The following SRP68 variants were observed in gnomAD, a reference collection of about 807,000 sequenced individuals.
SRP68 encodes signal recognition particle subunit SRP68.
In SRP68, 15 loss-of-function variants were observed where a neutral mutation model predicts 82.2. The observed-to-expected ratio is 0.18, with a 90% CI of 0.12 to 0.28. SRP68 has a LOEUF of 0.28. SRP68 is among the 10% of genes least tolerant of loss of function. SRP68 has a pLI of 1.00. For synonymous variants in SRP68, 261 were observed against 292.6 expected (o/e 0.89, Z 1.10); for missense variants, 595 against 780.5 (o/e 0.76, Z 2.83).
intron 2 of SRP68, among the ~76,000 whole-genome samples, chr17:76,067,979 G>A (rs192690283): frequency 3.1e-4 from 47 of 152,230 alleles, no homozygotes; most frequent in African/African-American, 1.1e-3. Context: ...CAGCTGCAGT[G>A]GACTGATGGC....
chr17:76,051,776 G>T (rs1018620199), intron 8 of SRP68, among the ~76,000 whole-genome samples: 1 of 152,008 alleles, frequency 6.6e-6, no homozygotes, highest in Non-Finnish European at 1.5e-5. Flanking sequence ...AAGCAAACAC[G>T]GCCACCATTC....
intron 2 of SRP68, among the ~76,000 whole-genome samples, chr17:76,067,772 A>G (rs957470496): frequency 6.6e-6 from 1 of 152,088 alleles, no homozygotes; most frequent in Non-Finnish European, 1.5e-5. Context: ...GGCCCTAAAC[A>G]TTTATTGAAC....
chr17:76,044,674 T>C (rs1386677854), intron 12 of SRP68: 1 of 152,362 alleles, frequency 6.6e-6, no homozygotes, highest in African/African-American at 2.4e-5. Flanking sequence ...TTCTGCTAAT[T>C]AACACCCTTT....
chr17:76,063,057 A>G (rs899283885), intron 4 of SRP68, among the ~76,000 whole-genome samples: 2 of 151,722 alleles, frequency 1.3e-5, no homozygotes, highest in Non-Finnish European at 2.9e-5. Context: ...GGCGTGAGCC[A>G]CCACGCCCGG....
chr17:76,057,587 G>A lies in SRP68; in HGVS notation c.838-44C>T, dbSNP rs184473387. 2.9e-5 allele frequency: 47 copies of A among 1,603,856 alleles called. No individual in the cohort carries two copies. In the Admixed American group the frequency reaches 6.5e-4, roughly 22 times the overall value. On this transcript the variant is annotated intron_variant, in intron 7 of 15. Coordinates refer to ENST00000307877, the MANE Select transcript of SRP68 (RefSeq NM_014230.4). ...AAGTTAAAGCTTTAACTGGGGATAT[G>A]AGTGATGGAGGTGAAAATAAGTGGA...
intron 8 of SRP68, among the ~76,000 whole-genome samples, chr17:76,053,265 C>CAAAAAA (rs34472995): frequency 1.2e-5 from 1 of 82,566 alleles, no homozygotes; most frequent in African/African-American, 5.0e-5. Flanking sequence ...GACCCTGTCT[C>CAAAAAA]AAAAAAAAAA....
chr17:76,044,212 G>A (rs2305345), intron 12 of SRP68, among the ~76,000 whole-genome samples: 3 of 152,044 alleles, frequency 2.0e-5, no homozygotes, highest in Admixed American at 2.0e-4. Context: ...ACTCTGCAGA[G>A]GAGGAACAGT....
Position 76,070,432 on chromosome 17 carries a change from A to T in SRP68, c.197T>A (p.Ile66Asn). 1.2e-6 allele frequency: 2 copies of T among 1,614,070 alleles called. No homozygotes were observed. Among genetic ancestry groups the T allele is most frequent in the Non-Finnish European group, 1.7e-6 (2 of 1,179,964 alleles). Residue 66 changes from isoleucine (I) to asparagine (N), a missense_variant, in exon 2 of 16, where the codon ATT becomes AAT. This residue lies in a region of SRP68 where 100 missense variants were observed against 91.9 expected (regional missense o/e 1.09). Coordinates refer to ENST00000307877, the MANE Select transcript of SRP68 (RefSeq NM_014230.4). ...DSLSLEILQI[I>N]KESQQQHGLR... ...ACCATGCTGCTGCTGGGATTCCTTA[A>T]TAATCTGAAGAACTAGAGTCGAGAT...
chr17:76,072,479 T>C lies in SRP68; in HGVS notation c.13A>G (p.Lys5Glu), dbSNP rs1424012847. The change falls in exon 1 of 16, where the codon AAG becomes GAG. Residue 5 changes from lysine to glutamate, a missense_variant. Physicochemically the swap from Lys to Glu is moderately conservative, Grantham distance 56. Transcript: ENST00000307877. This position sits in a 1 kb window ranked among gnomAD's most constrained non-coding sequence, Gnocchi z 4.5. ...CCGCCGCCGCCGCCTGGGACCTGCT[T>C]CTCAGCAGCCATCTTGCCCCTGCGC... MAAE[K>E]QVPGGGGGGG... The C allele has an allele frequency of 1.9e-6, 3 of 1,582,116 alleles. No homozygotes were observed. Among genetic ancestry groups the C allele is most frequent in the South Asian group, 2.2e-5 (2 of 89,204 alleles).
chr17:76,041,883 C>A (rs960468765), intron 13 of SRP68, among the ~76,000 whole-genome samples: 2 of 152,008 alleles, frequency 1.3e-5, no homozygotes, highest in Non-Finnish European at 2.9e-5. Context: ...CGACAGGAAC[C>A]TTTGCTTGCT....
intron 8 of SRP68, among the ~76,000 whole-genome samples, chr17:76,051,225 G>A (rs1478242374): frequency 6.6e-6 from 1 of 152,170 alleles, no homozygotes; most frequent in African/African-American, 2.4e-5. Flanking sequence ...CAAGTACTGG[G>A]TGTCACCTGT....
At chr17:76,062,726 ATTT>A (rs1266995454) in intron 4 of SRP68, among the ~76,000 whole-genome samples, 3 of 23,276 alleles carry the variant, frequency 1.3e-4, no homozygotes, top group South Asian at 1.3e-3. Context: ...TATTATATTT[ATTT>A]TATATATATA....
At position 76,061,515 on chromosome 17, in the gene SRP68, G is replaced by A. The variant is rs755889581; in HGVS notation, c.621C>T (p.Ala207=). The A allele has an allele frequency of 1.9e-6, 3 of 1,613,854 alleles. No individual in the cohort carries two copies. Among genetic ancestry groups the A allele is most frequent in the East Asian group, 2.2e-5 (1 of 44,884 alleles). The stretch of plus-strand genomic sequence containing the variant: ...ACTTGCATTTGTTAAAAGCCTCAAT[G>A]GCAGCTTTCCATTCTTGATGTTCAA... The part of the protein sequence containing the change: ...LRFEHQEWKA[A]IEAFNKCKTI... The change falls in exon 5 of 16, where the codon GCC becomes GCT. Residue 207 remains alanine, a synonymous_variant. Coordinates refer to ENST00000307877, the MANE Select transcript of SRP68 (RefSeq NM_014230.4).
At chr17:76,068,215 T>C (rs2144531129) in intron 2 of SRP68, among the ~76,000 whole-genome samples, 3 of 151,394 alleles carry the variant, frequency 2.0e-5, no homozygotes, top group Admixed American at 2.0e-4. Flanking sequence ...TCGCTTAAAC[T>C]CAGGAGGTGG....
chr17:76,072,132 A>T lies in SRP68; in HGVS notation c.184+176T>A. On this transcript the variant is annotated intron_variant, in intron 1 of 15. Coordinates refer to ENST00000307877, the MANE Select transcript of SRP68 (RefSeq NM_014230.4). This position sits in a 1 kb window ranked among gnomAD's most constrained non-coding sequence, Gnocchi z 4.5. ...GACGGCGAGGGGGACACGAGGAAAG[A>T]CTAGTCGAGAGACAGACCCCCCCCG... is the stretch of plus-strand genomic sequence containing the variant. 1 of 1,229,938 alleles carries T rather than the reference A, an allele frequency of 8.1e-7. No individual in the cohort carries two copies. 76.2% of individuals were successfully genotyped at this position (1,229,938 alleles called of 1,614,324 possible). A position where few individuals can be genotyped will look rare whatever the true frequency, so the allele number is the denominator to read the frequency against.
intron 9 of SRP68, chr17:76,048,248 A>G (rs527852545): frequency 5.8e-5 from 11 of 191,156 alleles, no homozygotes; most frequent in African/African-American, 2.3e-4. Context: ...CTAACCCCAA[A>G]GCATTAAAAT....
Position 76,072,109 on chromosome 17 carries a change from C to G in SRP68, c.184+199G>C, listed in dbSNP as rs1453915327. 6 of 1,051,078 alleles carry G rather than the reference C, an allele frequency of 5.7e-6. No individual in the cohort carries two copies. Among genetic ancestry groups the G allele is most frequent in the Non-Finnish European group, 8.1e-6 (6 of 738,240 alleles). The allele number at this position is 1,051,078 out of a possible 1,614,324, so 65.1% of individuals were successfully genotyped here. On this transcript the variant is annotated intron_variant, in intron 1 of 15. Transcript: ENST00000307877. This position sits in a 1 kb window ranked among gnomAD's most constrained non-coding sequence, Gnocchi z 4.5. ...CTGGAAGAAACGGACCTAGCCAGGA[C>G]GGCGAGGGGGACACGAGGAAAGACT...
intron 7 of SRP68, among the ~76,000 whole-genome samples, 183 bp downstream of exon 7, chr17:76,060,125 C>CAA (rs1168111688): frequency 0.28 from 8,068 of 28,560 alleles, 1,839 homozygotes; most frequent in East Asian, 0.44. Context: ...GACTCCATCT[C>CAA]AAAAAAAAAA....
chr17:76,071,844 G>A lies in SRP68; in HGVS notation c.184+464C>T, dbSNP rs1421066106. Reference sequence around the variant, plus strand: ...AACTTACAATCAAAATGGGCAACAAGCTTTTCCTGAGTCAATCTTTACCTC... The same window carrying A: ...AACTTACAATCAAAATGGGCAACAAACTTTTCCTGAGTCAATCTTTACCTC... On this transcript the variant is annotated intron_variant, in intron 1 of 15. Coordinates refer to ENST00000307877, the MANE Select transcript of SRP68 (RefSeq NM_014230.4). This position sits in a 1 kb window ranked among gnomAD's most constrained non-coding sequence, Gnocchi z 4.7. 5.6e-6 allele frequency: 1 copy of A among 178,096 alleles called. No individual in the cohort carries two copies. The highest frequency in any genetic ancestry group is 1.2e-5 in the Non-Finnish European group (1 of 86,216). The allele number at this position is 178,096 out of a possible 1,614,324, so 11.0% of individuals were successfully genotyped here.
Sources: allele counts gnomAD v4.1 joint callset (sites outside exome capture counted in the v4.1 genomes callset), GRCh38; gene constraint gnomAD v4.1.1; regional missense constraint gnomAD v4.1.1; non-coding constraint Gnocchi (gnomAD v3.1); transcripts MANE v1.5; gene names NCBI Gene and HGNC (gene_info 2026-07-23, HGNC 2026-07-21).